Variants in PIBF1 observed in about 807,000 individuals in gnomAD.
PIBF1 encodes the protein progesterone immunomodulatory binding factor 1.
A neutral mutation model predicts 112.5 loss-of-function variants in PIBF1; 90 were observed. That is an observed-to-expected ratio of 0.80 (90% CI 0.67 to 0.95). The LOEUF (loss-of-function observed/expected upper bound fraction) is 0.95. Among genes scored for constraint, PIBF1 ranks in the 40% least tolerant of loss-of-function variants. The pLI is 0.00. For synonymous variants in PIBF1, 301 were observed against 288.6 expected (o/e 1.04, Z -0.44); for missense variants, 915 against 852.3 (o/e 1.07, Z -0.92).
chr13:72,889,327 T>C (rs1400360068), intron 10 of PIBF1, among the ~76,000 whole-genome samples: 2 of 152,158 alleles, frequency 1.3e-5, no homozygotes, highest in African/African-American at 4.8e-5. Flanking sequence ...CATCTTTGTT[T>C]CACAGTTCTT....
At chr13:72,865,268 G>A (rs2038875710) in intron 10 of PIBF1, among the ~76,000 whole-genome samples, 1 of 152,020 alleles carries the variant, frequency 6.6e-6, no homozygotes, top group South Asian at 2.1e-4. Flanking sequence ...CTATTTTAAT[G>A]CCTGCATAAT....
rs200207719 is a variant in PIBF1, at chr13:73,011,844, G to A, written c.2224-4025G>A. On this transcript the variant is annotated intron_variant, in intron 17 of 17. Transcript: ENST00000326291. ...AAAAAACACAGTTTGAAGAGACAGT[G>A]CAAGCATCAGAACCAGAGTCAATTG... 2.6e-5 allele frequency among the ~76,000 whole-genome samples: 4 copies of A among 152,160 alleles called. No individual in the cohort carries two copies. In the East Asian group the frequency reaches 7.7e-4, roughly 29 times the overall value.
At chr13:72,924,639 G>C (rs184813084) in intron 13 of PIBF1, among the ~76,000 whole-genome samples, 1 of 151,980 alleles carries the variant, frequency 6.6e-6, no homozygotes, top group Admixed American at 6.6e-5. Flanking sequence ...TCACTTGAGC[G>C]CAGGAGGTCA....
chr13:72,893,692 G>T, intron 10 of PIBF1, 92 bp from the exon 11 acceptor site: 1 of 660,990 alleles, frequency 1.5e-6, no homozygotes, highest in South Asian at 4.2e-5. Context: ...CACAAATATG[G>T]GGGAGTAGAA....
chr13:72,790,244 A>G (rs2034827525), intron 2 of PIBF1, among the ~76,000 whole-genome samples: 2 of 152,182 alleles, frequency 1.3e-5, no homozygotes, highest in African/African-American at 4.8e-5. Context: ...CAGACAAGAC[A>G]GAAACAGAAG....
chr13:72,887,195 T>TA (rs1424748258), intron 10 of PIBF1, among the ~76,000 whole-genome samples: 2 of 151,874 alleles, frequency 1.3e-5, no homozygotes, highest in Non-Finnish European at 2.9e-5. Context: ...TACAGATAAC[T>TA]AAAAAGCAAA....
chr13:72,979,254 G>A (rs774554779), intron 16 of PIBF1, among the ~76,000 whole-genome samples: 6 of 152,084 alleles, frequency 3.9e-5, no homozygotes, highest in African/African-American at 9.7e-5. Flanking sequence ...CTCAGTAATC[G>A]TCATTAATTG....
intron 13 of PIBF1, among the ~76,000 whole-genome samples, chr13:72,929,857 TTTATTA>T (rs899892724): frequency 1.4e-4 from 21 of 152,090 alleles, no homozygotes; most frequent in African/African-American, 4.1e-4. Flanking sequence ...TTTAACACTA[TTTATTA>T]TTATTATTAT....
At chr13:73,001,204 G>T in intron 17 of PIBF1, among the ~76,000 whole-genome samples, 1 of 152,096 alleles carries the variant, frequency 6.6e-6, no homozygotes, top group Admixed American at 6.5e-5. Flanking sequence ...ATTCTAGCAT[G>T]CTATGATTCT....
intron 2 of PIBF1, among the ~76,000 whole-genome samples, chr13:72,788,164 A>T (rs2034702932): frequency 6.6e-6 from 1 of 152,234 alleles, no homozygotes. Flanking sequence ...TGTTATTGCT[A>T]TTAACATTGA....
chr13:72,860,308 GGTGTGTGT>G (rs3219561), intron 10 of PIBF1, among the ~76,000 whole-genome samples: 10,281 of 143,126 alleles, frequency 0.072, 497 homozygotes, highest in African/African-American at 0.13. Flanking sequence ...TTTTTTTAGG[GGTGTGTGT>G]GTGTGTGTGT....
chr13:72,936,008 TTTTA>T (rs139965738), intron 14 of PIBF1, among the ~76,000 whole-genome samples: 6 of 149,322 alleles, frequency 4.0e-5, no homozygotes, highest in African/African-American at 7.3e-5. Context: ...AATGATGTCT[TTTTA>T]TTTATTTATT....
intron 5 of PIBF1, among the ~76,000 whole-genome samples, chr13:72,814,071 C>T (rs2036149332): frequency 6.6e-6 from 1 of 152,026 alleles, no homozygotes; most frequent in African/African-American, 2.4e-5. Context: ...AAAAGAAAGA[C>T]TCTTATTATG....
intron 10 of PIBF1, among the ~76,000 whole-genome samples, chr13:72,880,725 A>G (rs375064793): frequency 5.3e-5 from 8 of 152,206 alleles, no homozygotes; most frequent in African/African-American, 1.7e-4. Flanking sequence ...TTACATTGAA[A>G]AATACTTCAA....
At chr13:72,862,731 G>A (rs1364269235) in intron 10 of PIBF1, among the ~76,000 whole-genome samples, 2 of 152,138 alleles carry the variant, frequency 1.3e-5, no homozygotes, top group African/African-American at 2.4e-5. Flanking sequence ...AGTCATGTGA[G>A]GTCCCATGAA....
intron 11 of PIBF1, among the ~76,000 whole-genome samples, chr13:72,900,459 C>G (rs1408169457): frequency 6.6e-6 from 1 of 152,086 alleles, no homozygotes; most frequent in Non-Finnish European, 1.5e-5. Flanking sequence ...ATACTTACAG[C>G]CAACTGACCT....
Position 72,786,262 on chromosome 13 carries a change from T to G in PIBF1, c.252+2541T>G, listed in dbSNP as rs143380125. ...TGTGGTTTTCTAGTTTGACTGAAAA[T>G]GTAGAAGATTGCAATAGTCGTGTTC... On this transcript the variant is annotated intron_variant, in intron 2 of 17. Transcript: ENST00000326291. Among the ~76,000 whole-genome samples the G allele has an allele frequency of 1.0e-3, 153 of 152,304 alleles. No individual in the cohort carries two copies. In the Middle Eastern group the frequency reaches 0.024, roughly 24 times the overall value.
intron 14 of PIBF1, among the ~76,000 whole-genome samples, chr13:72,958,538 A>G (rs2042516124): frequency 6.6e-6 from 1 of 152,152 alleles, no homozygotes; most frequent in Non-Finnish European, 1.5e-5. Flanking sequence ...AATTATTGAC[A>G]TAATAAAATA....
chr13:72,854,724 T>A (rs1216455389), intron 10 of PIBF1, among the ~76,000 whole-genome samples: 1 of 152,172 alleles, frequency 6.6e-6, no homozygotes, highest in African/African-American at 2.4e-5. Flanking sequence ...TACCTAGGAG[T>A]GGCATTGTTC....
Sources: allele counts gnomAD v4.1 joint callset (sites outside exome capture counted in the v4.1 genomes callset), GRCh38; gene constraint gnomAD v4.1.1; transcripts MANE v1.5; gene names NCBI Gene and HGNC (gene_info 2026-07-23, HGNC 2026-07-21).